Variants in ADGRB3 observed in about 807,000 individuals in gnomAD.
The protein encoded by ADGRB3 is adhesion G protein-coupled receptor B3.
Under a neutral mutation model 193.4 loss-of-function variants are expected in ADGRB3, and 37 were observed. The observed-to-expected ratio is 0.19, with a 90% CI of 0.15 to 0.25. The LOEUF is 0.25. Ranked by LOEUF, ADGRB3 falls within the 10% of genes least tolerant of loss-of-function variation. The pLI is 1.00. For missense variants in ADGRB3, 1,637 were observed against 1,852.9 expected (o/e 0.88, Z 2.14); for synonymous variants, 690 against 644.2 (o/e 1.07, Z -1.08).
chr6:69,080,125 A>T (rs1250239704), intron 17 of ADGRB3, among the ~76,000 whole-genome samples: 1 of 152,000 alleles, frequency 6.6e-6, no homozygotes, highest in Non-Finnish European at 1.5e-5. Flanking sequence ...TTTGTCATTC[A>T]TCCTGGAAGT....
At chr6:68,912,312 G>A (rs1462586899) in intron 3 of ADGRB3, among the ~76,000 whole-genome samples, 4 of 150,812 alleles carry the variant, frequency 2.7e-5, no homozygotes, top group Admixed American at 2.6e-4. Context: ...ACTTATTAAT[G>A]CTTCATTAAT....
At chr6:69,294,113 A>G (rs1464781776) in intron 20 of ADGRB3, among the ~76,000 whole-genome samples, 1 of 151,942 alleles carries the variant, frequency 6.6e-6, no homozygotes, top group East Asian at 1.9e-4. Context: ...ATAAAATTCC[A>G]TGCCTCAAAA....
chr6:68,652,549 A>C (rs1768391487), intron 3 of ADGRB3, among the ~76,000 whole-genome samples: 1 of 152,130 alleles, frequency 6.6e-6, no homozygotes. Flanking sequence ...ATCCTCCTGC[A>C]AATTAGCTTA....
chr6:69,118,905 A>T (rs1380224832), intron 17 of ADGRB3, among the ~76,000 whole-genome samples: 1 of 152,190 alleles, frequency 6.6e-6, no homozygotes, highest in Non-Finnish European at 1.5e-5. Context: ...ACAATATTCT[A>T]AATTTTTCCT....
intron 1 of ADGRB3, among the ~76,000 whole-genome samples, chr6:68,636,228 G>C (rs1322039687): frequency 6.6e-6 from 1 of 152,176 alleles, no homozygotes; most frequent in South Asian, 2.1e-4. Flanking sequence ...TAAGCGGAGA[G>C]ACCTAGAAAA....
chr6:68,666,656 A>T (rs920903241), intron 3 of ADGRB3, among the ~76,000 whole-genome samples: 26 of 151,276 alleles, frequency 1.7e-4, no homozygotes, highest in Non-Finnish European at 2.8e-4. Context: ...TTATAAATAA[A>T]GTAGCAAATT....
chr6:68,950,611 A>G (rs1397530488), intron 6 of ADGRB3, among the ~76,000 whole-genome samples: 1 of 152,196 alleles, frequency 6.6e-6, no homozygotes, highest in East Asian at 1.9e-4. Flanking sequence ...AACCCAGTTC[A>G]ATAAAATGAT....
chr6:69,299,174 A>G (rs1767899478), intron 20 of ADGRB3, among the ~76,000 whole-genome samples: 1 of 151,558 alleles, frequency 6.6e-6, no homozygotes, highest in Non-Finnish European at 1.5e-5. Flanking sequence ...GCCATTTTTT[A>G]TGGTTTCTTT....
Position 68,898,100 on chromosome 6 carries a change from AT to A in ADGRB3, c.758-32456del, listed in dbSNP as rs1478079185. On this transcript the variant is annotated intron_variant, in intron 3 of 31. Transcript: ENST00000370598. ...TCTCATAGGATTATGGAGGCCAAAA[AT>A]TTCAGAATATGCTATCTGCAAGGTG... Among the ~76,000 whole-genome samples the A allele has an allele frequency of 5.3e-5, 8 of 151,586 alleles. No individual in the cohort carries two copies. The Admixed American group carries it at 5.3e-4, about 10-fold the overall frequency.
At chr6:69,337,659 G>C (rs956704243) in intron 24 of ADGRB3, among the ~76,000 whole-genome samples, 2 of 152,146 alleles carry the variant, frequency 1.3e-5, no homozygotes, top group Admixed American at 1.3e-4. Context: ...GAGGGATTTA[G>C]TGTCATATTC....
intron 16 of ADGRB3, among the ~76,000 whole-genome samples, chr6:69,071,810 T>C (rs1772088012): frequency 6.6e-6 from 1 of 152,180 alleles, no homozygotes; most frequent in African/African-American, 2.4e-5. Flanking sequence ...ACTGCATTTG[T>C]TAAAACTACT....
At position 69,066,787 on chromosome 6, in the gene ADGRB3, GA is replaced by G. The variant is rs1002661168; in HGVS notation, c.2436+3752del. ...AAAATTTGTTTTTTATATCACTTAA[GA>G]GTGACATTTATACTCATCAAATTTT... On this transcript the variant is annotated intron_variant, in intron 16 of 31. Transcript: ENST00000370598. Among the ~76,000 whole-genome samples the G allele has an allele frequency of 1.2e-4, 18 of 151,074 alleles. No homozygotes were observed. In the South Asian group the frequency reaches 1.2e-3, roughly 10 times the overall value.
chr6:68,963,008 G>T (rs1263456904), intron 8 of ADGRB3, among the ~76,000 whole-genome samples: 2 of 152,096 alleles, frequency 1.3e-5, no homozygotes, highest in African/African-American at 4.8e-5. Context: ...GTAACTGGGG[G>T]AAACTTTTCT....
intron 20 of ADGRB3, among the ~76,000 whole-genome samples, chr6:69,273,793 A>G (rs1230485707): frequency 6.6e-6 from 1 of 152,174 alleles, no homozygotes; most frequent in African/African-American, 2.4e-5. Context: ...CTAGTGGGAG[A>G]GGGGATCTGT....
intron 16 of ADGRB3, among the ~76,000 whole-genome samples, chr6:69,067,441 C>A (rs936911034): frequency 6.6e-6 from 1 of 151,988 alleles, no homozygotes. Flanking sequence ...ACAACTGTAA[C>A]GAATATGCTT....
At chr6:69,098,446 T>C (rs1236986639) in intron 17 of ADGRB3, among the ~76,000 whole-genome samples, 1 of 152,212 alleles carries the variant, frequency 6.6e-6, no homozygotes, top group Non-Finnish European at 1.5e-5. Flanking sequence ...AAGAACTACC[T>C]GAGACTGGGT....
At chr6:69,263,309 C>T (rs1040414743) in intron 20 of ADGRB3, among the ~76,000 whole-genome samples, 5 of 151,994 alleles carry the variant, frequency 3.3e-5, no homozygotes, top group African/African-American at 7.2e-5. Context: ...TACTATATTT[C>T]AGATATATAA....
chr6:69,223,980 AT>A (rs951266789), intron 17 of ADGRB3, among the ~76,000 whole-genome samples: 8 of 149,690 alleles, frequency 5.3e-5, no homozygotes, highest in South Asian at 2.1e-4. Context: ...TCTCAAAAGA[AT>A]TTTTTTTTTC....
At chr6:69,109,251 GAGAAGTGTCTTT>G (rs1773301139) in intron 17 of ADGRB3, among the ~76,000 whole-genome samples, 1 of 152,110 alleles carries the variant, frequency 6.6e-6, no homozygotes, top group African/African-American at 2.4e-5. Flanking sequence ...AATGACAAAG[GAGAAGTGTCTTT>G]AGTAGTTTAA....
Sources: allele counts gnomAD v4.1 joint callset (sites outside exome capture counted in the v4.1 genomes callset), GRCh38; gene constraint gnomAD v4.1.1; transcripts MANE v1.5; gene names NCBI Gene and HGNC (gene_info 2026-07-23, HGNC 2026-07-21).